ATL2: variants seen among roughly 807,000 people sequenced by gnomAD.
ATL2 encodes atlastin GTPase 2, also known as atlastin-2.
Under a neutral mutation model 73.9 loss-of-function variants are expected in ATL2, and 31 were observed. That is an observed-to-expected ratio of 0.42 (90% CI 0.32 to 0.57). ATL2 has a LOEUF of 0.57. ATL2 is among the 20% of genes least tolerant of loss of function. The pLI is 0.14. For synonymous variants in ATL2, 291 were observed against 237.5 expected (o/e 1.23, Z -2.07); for missense variants, 738 against 702.6 (o/e 1.05, Z -0.57).
Position 38,296,620 on chromosome 2 carries a change from T to C in ATL2, c.1633-507A>G, listed in dbSNP as rs1429099266. 23 of 1,610,948 alleles carry C rather than the reference T, an allele frequency of 1.4e-5. No homozygotes were observed. The East Asian group carries it at 4.9e-4, about 34-fold the overall frequency. On this transcript the variant is annotated intron_variant, in intron 12 of 12. Transcript: ENST00000378954. ...AACATGAAGTGATTTGTTAGGAGAA[T>C]GAATCAGAGTGCCTCGAAGCTAAAG...
intron 7 of ATL2, among the ~76,000 whole-genome samples, chr2:38,311,664 G>A (rs1667761361): frequency 6.6e-6 from 1 of 152,182 alleles, no homozygotes; most frequent in African/African-American, 2.4e-5. Context: ...GAGAAGTCAG[G>A]ATACTGGTAG....
upstream of ATL2, chr2:38,377,385 C>A (rs908204211): frequency 1.6e-5 from 12 of 757,826 alleles, no homozygotes; most frequent in Non-Finnish European, 2.3e-5. Flanking sequence ...TCTCCTCGCC[C>A]TCCGCCTGTA....
intron 1 of ATL2, among the ~76,000 whole-genome samples, chr2:38,347,213 G>T (rs1670067960): frequency 6.6e-6 from 1 of 152,158 alleles, no homozygotes; most frequent in Admixed American, 6.5e-5. Context: ...TATGCGATCT[G>T]GGCCCAGCCT....
chr2:38,357,934 T>C (rs977439323), intron 1 of ATL2, among the ~76,000 whole-genome samples: 1 of 152,172 alleles, frequency 6.6e-6, no homozygotes, highest in African/African-American at 2.4e-5. Flanking sequence ...AACCACTGTT[T>C]GGGGGGAAAT....
chr2:38,378,105 T>G (rs1394376767), upstream of ATL2, among the ~76,000 whole-genome samples: 1 of 152,204 alleles, frequency 6.6e-6, no homozygotes, highest in Non-Finnish European at 1.5e-5. Context: ...AGTCAGCCCG[T>G]GGAGGCGTCT....
intron 1 of ATL2, among the ~76,000 whole-genome samples, chr2:38,360,464 T>C (rs1670949199): frequency 6.6e-6 from 1 of 152,086 alleles, no homozygotes; most frequent in African/African-American, 2.4e-5. Context: ...TTAGTTTTTG[T>C]AGAGACCAGG....
rs779739198 is a variant in ATL2 at position 38,295,979 on chromosome 2, TGAG to T, written c.*12_*14del. On this transcript the variant is annotated 3_prime_UTR_variant, in exon 13 of 13. Coordinates refer to ENST00000378954, the MANE Select transcript of ATL2 (RefSeq NM_001135673.4). ...TGAAAAAAAAAGAGAGTGGAGTCCG[TGAG>T]GAGATGAACTGTCAGTCTGTCTTTA... The T allele has an allele frequency of 3.9e-6, 6 of 1,525,018 alleles. No individual in the cohort carries two copies. The highest frequency in any genetic ancestry group is 4.4e-6 in the Non-Finnish European group (5 of 1,125,782). 94.5% of individuals were successfully genotyped at this position (1,525,018 alleles called of 1,614,324 possible). A position where few individuals can be genotyped will look rare whatever the true frequency, so the allele number is the denominator to read the frequency against.
rs567627715 is a variant in ATL2 at position 38,338,514 on chromosome 2, G to A, written c.363+4754C>T. Among the ~76,000 whole-genome samples the A allele has an allele frequency of 4.1e-5, 6 of 146,206 alleles. No homozygotes were observed. The East Asian group carries it at 1.2e-3, about 28-fold the overall frequency. ...TGGATTGTAACTCAAGTATAAATGA[G>A]CCCACACTGATATAAAGGATGGAAT... On this transcript the variant is annotated intron_variant, in intron 2 of 12. Transcript: ENST00000378954.
rs917204206 is a variant in ATL2 at position 38,318,483 on chromosome 2, A to AG, written c.603+51dup. ...CTCTGTCTCAAAAAAGAAAAAAAAAAGGGGCCAAATGATTACGTGAACTGA... is the reference window on the plus strand; with the variant it reads ...CTCTGTCTCAAAAAAGAAAAAAAAAAGGGGGCCAAATGATTACGTGAACTGA... On this transcript the variant is annotated intron_variant, in intron 4 of 12. Coordinates refer to ENST00000378954, the MANE Select transcript of ATL2 (RefSeq NM_001135673.4). 1.3e-5 allele frequency: 18 copies of AG among 1,337,346 alleles called. No homozygotes were observed. The African/African-American group carries it at 1.4e-4, about 11-fold the overall frequency. The allele number at this position is 1,337,346 out of a possible 1,614,324, so 82.8% of individuals were successfully genotyped here.
chr2:38,320,256 T>G (rs1668246777), intron 2 of ATL2, among the ~76,000 whole-genome samples: 1 of 152,102 alleles, frequency 6.6e-6, no homozygotes, highest in Admixed American at 6.6e-5. Context: ...GGTGTTAAAT[T>G]AGGGTAAGGA....
chr2:38,300,576 A>G (rs925209461), intron 9 of ATL2: 16 of 359,372 alleles, frequency 4.5e-5, no homozygotes, highest in Non-Finnish European at 6.9e-5. Context: ...AGTTAGATAT[A>G]AAATGCCATC....
chr2:38,322,737 G>A (rs553524066), intron 2 of ATL2, among the ~76,000 whole-genome samples: 19 of 152,248 alleles, frequency 1.2e-4, no homozygotes, highest in Middle Eastern at 6.8e-3. Flanking sequence ...GAAAGAAGCT[G>A]AGTGTGGTGG....
At chr2:38,356,800 C>G (rs932947219) in intron 1 of ATL2, among the ~76,000 whole-genome samples, 1 of 150,864 alleles carries the variant, frequency 6.6e-6, no homozygotes, top group Non-Finnish European at 1.5e-5. Flanking sequence ...ATACTCATTT[C>G]TTTCACTAAC....
intron 1 of ATL2, among the ~76,000 whole-genome samples, chr2:38,356,612 C>T (rs1670683892): frequency 6.6e-6 from 1 of 152,162 alleles, no homozygotes; most frequent in Non-Finnish European, 1.5e-5. Flanking sequence ...ATAAAACTTA[C>T]AACTGAAAAA....
intron 1 of ATL2, among the ~76,000 whole-genome samples, chr2:38,348,430 C>T (rs984534762): frequency 4.6e-5 from 7 of 151,232 alleles, no homozygotes; most frequent in Admixed American, 1.3e-4. Context: ...TGCGCCATTG[C>T]ACTCCAGCCT....
chr2:38,298,589 A>AT lies in ATL2; in HGVS notation c.1201-15dup. On this transcript the variant is annotated splice_polypyrimidine_tract_variant and intron_variant, in intron 11 of 12. Coordinates refer to ENST00000378954, the MANE Select transcript of ATL2 (RefSeq NM_001135673.4). ...CCCTCCACATACCTGGACAGACAGA[A>AT]TTACAGTATTACATGCTAGAAATAA... 6.3e-7 allele frequency: 1 copy of AT among 1,597,004 alleles called. No individual in the cohort carries two copies. The highest frequency in any genetic ancestry group is 1.1e-5 in the South Asian group (1 of 88,754).
At chr2:38,353,070 G>T (rs940821398) in intron 1 of ATL2, among the ~76,000 whole-genome samples, 2 of 152,152 alleles carry the variant, frequency 1.3e-5, no homozygotes, top group African/African-American at 4.8e-5. Context: ...GACATACAAA[G>T]AAAGAAGGAA....
At chr2:38,326,915 A>C (rs1013706037) in intron 2 of ATL2, among the ~76,000 whole-genome samples, 1 of 151,882 alleles carries the variant, frequency 6.6e-6, no homozygotes, top group Non-Finnish European at 1.5e-5. Flanking sequence ...TTGAACCCAG[A>C]AGGCAGAGGT....
chr2:38,348,192 C>T (rs1670134500), intron 1 of ATL2, among the ~76,000 whole-genome samples: 1 of 152,024 alleles, frequency 6.6e-6, no homozygotes, highest in Non-Finnish European at 1.5e-5. Flanking sequence ...CTTGGCTAGG[C>T]GCGGTGGCTC....
Sources: allele counts gnomAD v4.1 joint callset (sites outside exome capture counted in the v4.1 genomes callset), GRCh38; gene constraint gnomAD v4.1.1; transcripts MANE v1.5; gene names NCBI Gene and HGNC (gene_info 2026-07-23, HGNC 2026-07-21).